The following METTL15 variants were observed in gnomAD, a reference collection of about 807,000 sequenced individuals.
METTL15 encodes the protein methyltransferase 15, mitochondrial 12S rRNA N4-cytidine, also known as 12S rRNA N(4)-cytidine methyltransferase METTL15.
Under a neutral mutation model 38.3 loss-of-function variants are expected in METTL15, and 34 were observed. The ratio of observed to expected loss-of-function variants is 0.89; its 90% CI spans 0.68 to 1.18. The LOEUF is 1.18. METTL15 is among the 50% of genes most tolerant of loss of function. The probability of loss-of-function intolerance (pLI) is 0.00; values close to 1 mark genes in which losing one functional copy is unlikely to be tolerated. For missense variants in METTL15, 438 were observed against 498.4 expected (o/e 0.88, Z 1.15); for synonymous variants, 162 against 170.9 (o/e 0.95, Z 0.41).
intron 5 of METTL15, among the ~76,000 whole-genome samples, chr11:28,391,339 C>A (rs953722070): frequency 1.2e-4 from 19 of 152,074 alleles, no homozygotes; most frequent in African/African-American, 4.3e-4. Context: ...CAGTTTTTGC[C>A]CATTCAGTAT....
rs572217016 is a variant in METTL15 at position 28,181,422 on chromosome 11, G to T, written c.271-29640G>T. On this transcript the variant is annotated intron_variant, in intron 3 of 6. Coordinates refer to ENST00000407364, the MANE Select transcript of METTL15 (RefSeq NM_001113528.2). ...TCCCTCCCCTAGTACCTCACCCCCT[G>T]ACAGAACCCTGTGTGTGATGTTCCC... is the stretch of plus-strand genomic sequence containing the variant. 9.6e-4 allele frequency among the ~76,000 whole-genome samples: 145 copies of T among 151,600 alleles called. 2 individuals carry two copies. In the South Asian group the frequency reaches 0.029, roughly 31 times the overall value.
intron 3 of METTL15, among the ~76,000 whole-genome samples, chr11:28,193,247 G>C: frequency 6.6e-6 from 1 of 152,080 alleles, no homozygotes; most frequent in East Asian, 1.9e-4. Context: ...AAATATCTGA[G>C]ATTGGGTAAT....
At chr11:28,474,559 C>T (rs1851329093) in intron 6 of METTL15, among the ~76,000 whole-genome samples, 1 of 152,180 alleles carries the variant, frequency 6.6e-6, no homozygotes, top group African/African-American at 2.4e-5. Flanking sequence ...GACAGCCTGA[C>T]AGTCTTAAAG....
chr11:28,117,171 T>C (rs1851997388), intron 3 of METTL15, among the ~76,000 whole-genome samples: 2 of 151,596 alleles, frequency 1.3e-5, no homozygotes, highest in African/African-American at 4.8e-5. Flanking sequence ...AAAATGTATA[T>C]TGAAATATAT....
intron 6 of METTL15, among the ~76,000 whole-genome samples, chr11:28,513,914 C>T (rs1003892175): frequency 1.3e-5 from 2 of 152,220 alleles, no homozygotes; most frequent in African/African-American, 4.8e-5. Context: ...GCATTATGAC[C>T]ATCATGAACA....
At chr11:28,469,226 C>T (rs1034838058) in intron 6 of METTL15, among the ~76,000 whole-genome samples, 1 of 146,418 alleles carries the variant, frequency 6.8e-6, no homozygotes, top group Non-Finnish European at 1.5e-5. Context: ...TAACTTAATA[C>T]TTACACCATA....
downstream of METTL15, among the ~76,000 whole-genome samples, chr11:28,530,461 A>G (rs1024303362): frequency 6.6e-5 from 10 of 152,144 alleles, no homozygotes; most frequent in East Asian, 7.7e-4. Flanking sequence ...TAAATTACCA[A>G]ATTGGCAAAG....
chr11:28,408,255 A>T (rs1312112663), intron 5 of METTL15, among the ~76,000 whole-genome samples: 2 of 152,114 alleles, frequency 1.3e-5, no homozygotes, highest in East Asian at 3.9e-4. Context: ...CACCACCATG[A>T]CCCACGTTTA....
chr11:28,158,713 A>G (rs1049152291), intron 3 of METTL15, among the ~76,000 whole-genome samples: 1 of 152,186 alleles, frequency 6.6e-6, no homozygotes, highest in Non-Finnish European at 1.5e-5. Context: ...GCTTCTGTCC[A>G]AGGCACTCAC....
chr11:28,498,453 T>C (rs1851554709), intron 6 of METTL15, among the ~76,000 whole-genome samples: 1 of 152,174 alleles, frequency 6.6e-6, no homozygotes, highest in African/African-American at 2.4e-5. Flanking sequence ...CCACCGTGCC[T>C]GGCCTCCAAA....
chr11:28,188,698 G>A (rs76371599), intron 3 of METTL15, among the ~76,000 whole-genome samples: 8,563 of 151,062 alleles, frequency 0.057, 851 homozygotes, highest in African/African-American at 0.19. Context: ...GCTGCCCTGC[G>A]TACACTCATT....
At chr11:28,469,290 A>C (rs1221306861) in intron 6 of METTL15, among the ~76,000 whole-genome samples, 1 of 152,216 alleles carries the variant, frequency 6.6e-6, no homozygotes, top group East Asian at 1.9e-4. Context: ...GACAAGTAAG[A>C]GTTGTATATA....
chr11:28,393,208 A>G (rs1243371761), intron 5 of METTL15, among the ~76,000 whole-genome samples: 1 of 152,160 alleles, frequency 6.6e-6, no homozygotes, highest in Non-Finnish European at 1.5e-5. Flanking sequence ...AGTATTTTAA[A>G]GAGGTATTTA....
intron 4 of METTL15, among the ~76,000 whole-genome samples, chr11:28,252,135 A>G (rs61889025): frequency 0.06 from 9,109 of 152,240 alleles, 374 homozygotes; most frequent in Non-Finnish European, 0.088. Flanking sequence ...TTAGTGAACA[A>G]CAACAAAAAT....
intron 6 of METTL15, among the ~76,000 whole-genome samples, chr11:28,523,325 A>G (rs970746543): frequency 2.0e-5 from 3 of 152,244 alleles, no homozygotes; most frequent in Non-Finnish European, 2.9e-5. Context: ...AATATATGTC[A>G]TTACATAGTC....
intron 3 of METTL15, among the ~76,000 whole-genome samples, chr11:28,204,582 A>G (rs1852244378): frequency 6.6e-6 from 1 of 151,650 alleles, no homozygotes; most frequent in Non-Finnish European, 1.5e-5. Context: ...TTCATGACTT[A>G]ATAAGACACA....
At chr11:28,531,171 A>G (rs189860146), downstream of METTL15, among the ~76,000 whole-genome samples, 25 of 152,160 alleles carry the variant, frequency 1.6e-4, no homozygotes, top group Admixed American at 1.6e-3. Context: ...AAAGCAATTG[A>G]TTACTATATA....
intron 3 of METTL15, among the ~76,000 whole-genome samples, chr11:28,117,789 T>C (rs1269082435): frequency 6.6e-6 from 1 of 152,156 alleles, no homozygotes; most frequent in Admixed American, 6.5e-5. Context: ...AATCTTCAAG[T>C]AATAAAGAAC....
chr11:28,531,448 GA>G (rs1851842920), downstream of METTL15, among the ~76,000 whole-genome samples: 1 of 152,006 alleles, frequency 6.6e-6, no homozygotes, highest in African/African-American at 2.4e-5. Flanking sequence ...TGAGCCATGT[GA>G]AAATCAGAAG....
Sources: gnomAD v4.1 joint callset for allele counts (sites outside exome capture counted in the v4.1 genomes callset) on GRCh38, gnomAD v4.1.1 for gene constraint, MANE v1.5 for transcripts, NCBI Gene and HGNC (gene_info 2026-07-23, HGNC 2026-07-21) for gene names.